The following WNK3 variants were observed in gnomAD, a reference collection of about 807,000 sequenced individuals.
WNK3 encodes serine/threonine-protein kinase WNK3.
In WNK3, 18 loss-of-function variants were observed where a neutral mutation model predicts 116.7. The observed-to-expected ratio is 0.15, with a 90% CI of 0.11 to 0.23. The LOEUF (loss-of-function observed/expected upper bound fraction) is 0.23. WNK3 is among the 10% of genes least tolerant of loss of function. WNK3 has a pLI of 1.00. For synonymous variants in WNK3, 404 were observed against 469.4 expected (o/e 0.86, Z 1.80); for missense variants, 993 against 1,323.8 (o/e 0.75, Z 3.88).
intron 11 of WNK3, 134 bp from the exon 12 acceptor site, chrX:54,256,021 C>T (rs2068188987): frequency 2.0e-6 from 1 of 504,094 alleles, no homozygotes; most frequent in Non-Finnish European, 3.1e-6. Flanking sequence ...GTTATGACTG[C>T]ACAACTCTGT....
At position 54,282,413 on chromosome X, in the gene WNK3, C is replaced by G. The variant is rs2068528026; in HGVS notation, c.2037+10475G>C. The stretch of plus-strand genomic sequence containing the variant: ...CAACAGTGTACAAGGGTTCCCTTTT[C>G]TCCACACCTTTGCCAACACTTAAAG... On this transcript the variant is annotated intron_variant, in intron 10 of 23. Coordinates refer to ENST00000354646, the Ensembl canonical transcript of WNK3. 2.7e-5 allele frequency among the ~76,000 whole-genome samples: 3 copies of G among 110,992 alleles called. No individual in the cohort carries two copies. The Admixed American group carries it at 2.9e-4, about 11-fold the overall frequency.
chrX:54,213,280 A>G (rs1359724288), intron 22 of WNK3, among the ~76,000 whole-genome samples: 1 of 109,139 alleles, frequency 9.2e-6, no homozygotes, highest in Non-Finnish European at 1.9e-5. Flanking sequence ...AGAGATAATG[A>G]GCGGTGGCTC....
rs972949287 is a variant in WNK3 at position 54,283,718 on chromosome X, G to A, written c.2037+9170C>T. Among the ~76,000 whole-genome samples the A allele has an allele frequency of 8.1e-5, 8 of 98,863 alleles. No individual in the cohort carries two copies. The South Asian group carries it at 2.0e-3, about 25-fold the overall frequency. 85.9% of individuals were successfully genotyped at this position (98,863 alleles called of 115,157 possible). A position where few individuals can be genotyped will look rare whatever the true frequency, so the allele number is the denominator to read the frequency against. The stretch of plus-strand genomic sequence containing the variant: ...TGGGAGGCGGAGCTTGCAGTGAGCC[G>A]AGATCGTGCCACTGCACTCCAGCCT... On this transcript the variant is annotated intron_variant, in intron 10 of 23. Transcript: ENST00000354646.
chrX:54,258,739 A>G (rs1237847408), intron 11 of WNK3, among the ~76,000 whole-genome samples: 3 of 110,206 alleles, frequency 2.7e-5, no homozygotes, highest in Non-Finnish European at 5.7e-5. Flanking sequence ...AAGAAATAGA[A>G]GATTTTAAGA....
chrX:54,230,235 TA>T (rs1475489644), intron 21 of WNK3, among the ~76,000 whole-genome samples: 2 of 111,365 alleles, frequency 1.8e-5, no homozygotes, highest in African/African-American at 6.5e-5. Flanking sequence ...ATAAACTGAG[TA>T]AAGGATACAT....
chrX:54,311,437 G>A, intron 2 of WNK3, 146 bp from the exon 3 acceptor site: 1 of 459,482 alleles, frequency 2.2e-6, no homozygotes, highest in East Asian at 4.0e-5. Flanking sequence ...CTCAAGACTT[G>A]TATCATCACA....
chrX:54,219,669 CAAAAAAAAAAAAAAAAAA>C (rs34431672), intron 22 of WNK3, among the ~76,000 whole-genome samples: 3 of 15,191 alleles, frequency 2.0e-4, no homozygotes, highest in Admixed American at 1.2e-3. Context: ...CTCCATCTCC[CAAAAAAAAAAAAAAAAAA>C]AAAAAAAAAA....
chrX:54,328,606 T>TA (rs1304074802), intron 2 of WNK3, among the ~76,000 whole-genome samples: 2,275 of 102,983 alleles, frequency 0.022, 61 homozygotes, highest in African/African-American at 0.074. Flanking sequence ...ACTTTGCCTT[T>TA]AAAAAAAAAA....
chrX:54,229,644 C>T (rs1468063989), intron 21 of WNK3, among the ~76,000 whole-genome samples: 2 of 110,329 alleles, frequency 1.8e-5, no homozygotes. Context: ...CTACAATAAT[C>T]AAAATAGTGT....
intron 23 of WNK3, among the ~76,000 whole-genome samples, chrX:54,198,952 T>C (rs1569534750): frequency 9.0e-6 from 1 of 111,680 alleles, no homozygotes; most frequent in African/African-American, 3.3e-5. Context: ...ACATGATGTT[T>C]ATCTAAAGTT....
At chrX:54,217,692 G>A (rs1288696385) in intron 22 of WNK3, among the ~76,000 whole-genome samples, 1 of 110,910 alleles carries the variant, frequency 9.0e-6, no homozygotes, top group Non-Finnish European at 1.9e-5. Flanking sequence ...AGCTGAGGTA[G>A]GAGGATTGCT....
At chrX:54,282,129 T>A (rs2147070322) in intron 10 of WNK3, among the ~76,000 whole-genome samples, 1 of 109,942 alleles carries the variant, frequency 9.1e-6, no homozygotes, top group African/African-American at 3.3e-5. Context: ...AGCCTTGACC[T>A]CTTGGGTTCA....
At chrX:54,295,588 A>G (rs954289457) in intron 7 of WNK3, among the ~76,000 whole-genome samples, 9 of 112,418 alleles carry the variant, frequency 8.0e-5, no homozygotes, top group Non-Finnish European at 1.5e-4. Flanking sequence ...TGAAATGGAC[A>G]TAACTTAACT....
rs781958787 is a variant in WNK3 at position 54,238,497 on chromosome X, T to TA, written c.3884-26dup. On this transcript the variant is annotated intron_variant, in intron 18 of 23. Coordinates refer to ENST00000354646, the Ensembl canonical transcript of WNK3. ...ACTGCAAGTTTTGCCAAATTGTAAG[T>TA]AAAAAAGAGAAAATTGTTTGTTAAG... 7 of 1,185,587 alleles carry TA rather than the reference T, an allele frequency of 5.9e-6. No homozygotes were observed. The East Asian group carries it at 2.1e-4, about 35-fold the overall frequency.
At chrX:54,226,485 A>C (rs1557147863) in intron 22 of WNK3, among the ~76,000 whole-genome samples, 1 of 103,529 alleles carries the variant, frequency 9.7e-6, no homozygotes, top group African/African-American at 3.5e-5. Flanking sequence ...AAAAAAAAAA[A>C]AAAGAAGAAG....
intron 13 of WNK3, among the ~76,000 whole-genome samples, chrX:54,252,023 C>T (rs2068136637): frequency 2.9e-5 from 3 of 102,103 alleles, no homozygotes; most frequent in South Asian, 9.2e-4. Flanking sequence ...TGAGATTGCA[C>T]CATTGCACTA....
chrX:54,302,909 G>A (rs1557167917), intron 5 of WNK3, among the ~76,000 whole-genome samples: 2 of 99,967 alleles, frequency 2.0e-5, no homozygotes, highest in Non-Finnish European at 4.0e-5. Flanking sequence ...GACTACAGGC[G>A]CATGCCACCA....
At chrX:54,275,543 A>C (rs1341269659) in intron 10 of WNK3, among the ~76,000 whole-genome samples, 1 of 107,201 alleles carries the variant, frequency 9.3e-6, no homozygotes, top group South Asian at 4.3e-4. Context: ...AAATAAAACA[A>C]GAAGTTCATG....
intron 1 of WNK3, among the ~76,000 whole-genome samples, chrX:54,354,829 A>G (rs1274012566): frequency 2.7e-5 from 3 of 111,705 alleles, no homozygotes; most frequent in African/African-American, 9.8e-5. Flanking sequence ...CATGCCTGTA[A>G]TCCCAGCACT....
Sources: allele counts gnomAD v4.1 joint callset (sites outside exome capture counted in the v4.1 genomes callset), GRCh38; gene constraint gnomAD v4.1.1; transcripts MANE v1.5; gene names NCBI Gene and HGNC (gene_info 2026-07-23, HGNC 2026-07-21).